Variants in ORC1 observed in about 807,000 individuals in gnomAD.
ORC1 encodes the protein origin recognition complex subunit 1.
A neutral mutation model predicts 98.9 loss-of-function variants in ORC1; 61 were observed. That is an observed-to-expected ratio of 0.62 (90% confidence interval 0.50 to 0.76). The LOEUF (loss-of-function observed/expected upper bound fraction) is 0.76. Ranked by LOEUF, ORC1 falls within the 30% of genes least tolerant of loss-of-function variation. ORC1 has a pLI of 0.00. For synonymous variants in ORC1, 385 were observed against 406.9 expected, an observed-to-expected ratio of 0.95 and a Z score of 0.65; for missense variants, 979 against 1,072.2, an observed-to-expected ratio of 0.91 and a Z score of 1.21.
Position 52,389,280 on chromosome 1 carries a change from G to A in ORC1, c.1124C>T (p.Thr375Ile), listed in dbSNP as rs143342160. The A allele has an allele frequency of 1.2e-5, 19 of 1,614,068 alleles. No individual in the cohort carries two copies. In the African/African-American group the frequency reaches 2.4e-4, roughly 20 times the overall value. Reference protein sequence around the residue: ...EAKAQNEATSTPHRIRRKSSV... With the variant: ...EAKAQNEATSIPHRIRRKSSV... ...ACTCTTTCTGCGGATACGATGGGGA[G>A]TAGAGGTCGCTTCATTCTGGGCTTT... Residue 375 changes from threonine to isoleucine, a missense_variant, in exon 7 of 17, where the codon ACT becomes ATT. Coordinates refer to ENST00000371568, the MANE Select transcript of ORC1 (RefSeq NM_004153.4).
intron 13 of ORC1, 107 bp downstream of exon 13, chr1:52,383,313 T>C (rs1450321750): frequency 5.2e-6 from 7 of 1,350,086 alleles, no homozygotes; most frequent in Non-Finnish European, 6.3e-6. Flanking sequence ...CCTCCCAAAG[T>C]GCGGGGTTTA....
intron 14 of ORC1, 93 bp from the exon 15 acceptor site, chr1:52,375,692 T>G (rs1453988856): frequency 8.3e-7 from 1 of 1,201,694 alleles, no homozygotes; most frequent in African/African-American, 1.5e-5. Context: ...AAGCGTAAAG[T>G]TAAGTACTTA....
At chr1:52,386,394 T>C (rs1004005390) in intron 8 of ORC1, among the ~76,000 whole-genome samples, 3 of 152,180 alleles carry the variant, frequency 2.0e-5, no homozygotes, top group African/African-American at 4.8e-5. Flanking sequence ...AGGACTTCCA[T>C]GGCCCACGGT....
intron 16 of ORC1, among the ~76,000 whole-genome samples, chr1:52,374,449 T>C (rs940105937): frequency 3.3e-5 from 5 of 152,242 alleles, no homozygotes; most frequent in African/African-American, 1.2e-4. Flanking sequence ...CTTGATCTAA[T>C]TGAACTATGC....
At chr1:52,401,324 T>C (rs1647694614) in intron 3 of ORC1, 38 bp downstream of exon 3, 1 of 1,613,268 alleles carries the variant, frequency 6.2e-7, no homozygotes. Context: ...CAATCATTCA[T>C]GACAAGGAAT....
rs756545032 is a variant in ORC1, at chr1:52,374,841, C to T, written c.2360G>A (p.Arg787Gln). The change falls in exon 16 of 17, where the codon CGA becomes CAA. Residue 787 changes from arginine to glutamine, a missense_variant. Transcript: ENST00000371568. ...FLRAILAEFR[R>Q]SGLEEATFQQ... Reference sequence around the variant, plus strand: ...AAACGTGGCTTCCTCCAGTCCTGATCGACGGAACTCTGCGAGGATGGCTCT... The same window carrying T: ...AAACGTGGCTTCCTCCAGTCCTGATTGACGGAACTCTGCGAGGATGGCTCT... 9 of 1,613,720 alleles carry T rather than the reference C, an allele frequency of 5.6e-6. No homozygotes were observed. The highest frequency in any genetic ancestry group is 2.2e-5 in the East Asian group (1 of 44,896).
At chr1:52,401,751 C>T (rs1471965287) in intron 2 of ORC1, among the ~76,000 whole-genome samples, 2 of 152,190 alleles carry the variant, frequency 1.3e-5, no homozygotes, top group Non-Finnish European at 2.9e-5. Context: ...ACAAATGCTT[C>T]CCACAACAAA....
At chr1:52,392,183 G>A (rs980493085) in intron 6 of ORC1, among the ~76,000 whole-genome samples, 4 of 151,414 alleles carry the variant, frequency 2.6e-5, no homozygotes, top group South Asian at 2.1e-4. Context: ...AGGCTGGAGT[G>A]CAGTGGCGCG....
intron 6 of ORC1, 145 bp from the exon 7 acceptor site, chr1:52,389,466 A>G (rs1055849300): frequency 1.4e-4 from 96 of 674,678 alleles, no homozygotes; most frequent in Middle Eastern, 7.9e-4. Flanking sequence ...TTCTGCTAAA[A>G]AGTTGGCAAA....
At position 52,398,190 on chromosome 1, in the gene ORC1, G is replaced by A. The variant is rs543339324; in HGVS notation, c.224-327C>T. The stretch of plus-strand genomic sequence containing the variant: ...CGTTGGCCAGGCTGGTCTCAAACTC[G>A]TGACCTCACGTGATCTGCCTACCTT... On this transcript the variant is annotated intron_variant, in intron 3 of 16. Transcript: ENST00000371568. Among the ~76,000 whole-genome samples the A allele has an allele frequency of 6.2e-5, 9 of 145,980 alleles. No homozygotes were observed. In the East Asian group the frequency reaches 8.2e-4, roughly 13 times the overall value.
chr1:52,400,481 C>T (rs569669886), intron 3 of ORC1, among the ~76,000 whole-genome samples: 5 of 152,292 alleles, frequency 3.3e-5, no homozygotes, highest in Admixed American at 1.3e-4. Context: ...GGTGAAACCA[C>T]GGATAAGGGG....
At chr1:52,401,095 T>A (rs1040056707) in intron 3 of ORC1, among the ~76,000 whole-genome samples, 1 of 150,452 alleles carries the variant, frequency 6.6e-6, no homozygotes, top group Non-Finnish European at 1.5e-5. Flanking sequence ...ATTCTCTCCA[T>A]CCCCCCCAAT....
chr1:52,399,809 T>TCACA (rs111460694), intron 3 of ORC1, among the ~76,000 whole-genome samples: 21,246 of 145,998 alleles, frequency 0.15, 1,500 homozygotes, highest in African/African-American at 0.16. Flanking sequence ...TCTGTCACTG[T>TCACA]CACACACACA....
At chr1:52,380,128 C>T (rs2147917324) in intron 14 of ORC1, among the ~76,000 whole-genome samples, 1 of 152,242 alleles carries the variant, frequency 6.6e-6, no homozygotes, top group Middle Eastern at 3.4e-3. Context: ...CACTGCCCTC[C>T]AGACAGGACA....
At position 52,381,749 on chromosome 1, in the gene ORC1, T is replaced by G; in HGVS notation, c.2026A>C (p.Met676Leu). 1 of 1,613,262 alleles carries G rather than the reference T, an allele frequency of 6.2e-7. No individual in the cohort carries two copies. The highest frequency in any genetic ancestry group is 8.5e-7 in the Non-Finnish European group (1 of 1,179,532). Residue 676 changes from methionine (M) to leucine (L), a missense_variant, in exon 14 of 17, where the codon ATG (methionine) becomes CTG (leucine). Coordinates refer to ENST00000371568, the MANE Select transcript of ORC1 (RefSeq NM_004153.4). ...CTATATGTATAGGGCTGGAAGCACA[T>G]CCTGGTAAGACCCTGGGGAGCCAAA... ...RVSSRLGLTR[M>L]CFQPYTYSQL...
intron 14 of ORC1, among the ~76,000 whole-genome samples, chr1:52,376,147 G>A (rs897316313): frequency 2.4e-4 from 37 of 152,136 alleles, no homozygotes; most frequent in Non-Finnish European, 4.1e-4. Flanking sequence ...CGAGGCAGGC[G>A]GATCACCTGA....
At chr1:52,390,823 C>T (rs11802697) in intron 6 of ORC1, among the ~76,000 whole-genome samples, 12,772 of 147,778 alleles carry the variant, frequency 0.086, 670 homozygotes, top group African/African-American at 0.14. Flanking sequence ...ACCCGGGAGG[C>T]GGAGGTTGCA....
intron 12 of ORC1, 129 bp downstream of exon 12, chr1:52,383,701 C>T (rs112228607): frequency 2.4e-5 from 31 of 1,282,046 alleles, no homozygotes; most frequent in East Asian, 1.4e-4. Flanking sequence ...CATTGACACA[C>T]GCCTCTCAGC....
At chr1:52,382,246 T>C (rs1439093476) in intron 13 of ORC1, among the ~76,000 whole-genome samples, 2 of 152,142 alleles carry the variant, frequency 1.3e-5, no homozygotes, top group African/African-American at 4.8e-5. Context: ...CCCAAAGTGC[T>C]GGGATTACAG....
Sources: allele counts gnomAD v4.1 joint callset (sites outside exome capture counted in the v4.1 genomes callset), GRCh38; gene constraint gnomAD v4.1.1; transcripts MANE v1.5; gene names NCBI Gene and HGNC (gene_info 2026-07-23, HGNC 2026-07-21).